Variants in TARBP1 observed in about 807,000 individuals in gnomAD.
The protein encoded by TARBP1 is tRNA (guanosine(18)-2'-O)-methyltransferase TARBP1.
In TARBP1, 144 loss-of-function variants were observed where a neutral mutation model predicts 178.6. That is an observed-to-expected ratio of 0.81 (90% confidence interval 0.70 to 0.93). The LOEUF (loss-of-function observed/expected upper bound fraction) is 0.93. Ranked by LOEUF, TARBP1 falls within the 40% of genes least tolerant of loss-of-function variation. The probability of loss-of-function intolerance (pLI) is 0.00; values close to 1 mark genes in which losing one functional copy is unlikely to be tolerated. For missense variants in TARBP1, 2,067 were observed against 2,011.7 expected (o/e 1.03, Z -0.53); for synonymous variants, 787 against 781.0 (o/e 1.01, Z -0.13).
Position 234,467,528 on chromosome 1 carries a change from G to A in TARBP1, c.1222C>T (p.Leu408Phe). 6.3e-7 allele frequency: 1 copy of A among 1,592,968 alleles called. No individual in the cohort carries two copies. Among genetic ancestry groups the A allele is most frequent in the Non-Finnish European group, 8.5e-7 (1 of 1,173,404 alleles). Residue 408 changes from leucine (L) to phenylalanine (F), a missense_variant, in exon 4 of 30, where the codon CTT (leucine) becomes TTT (phenylalanine). Coordinates refer to ENST00000040877, the MANE Select transcript of TARBP1 (RefSeq NM_005646.4). ...TCAGAAAATTCTGGTGAAAATGGAA[G>A]AATCTTTGTTTCATACAGCTCCAAA... ...HFLELYETKI[L>F]PFSPEFSEFI...
chr1:234,404,521 C>A (rs1001370786), intron 24 of TARBP1, among the ~76,000 whole-genome samples: 3 of 152,176 alleles, frequency 2.0e-5, no homozygotes, highest in Admixed American at 2.0e-4. Flanking sequence ...ATACACCATA[C>A]ACCAAGGAGA....
chr1:234,472,112 G>A (rs941607195), intron 2 of TARBP1, among the ~76,000 whole-genome samples: 2 of 152,236 alleles, frequency 1.3e-5, no homozygotes, highest in African/African-American at 4.8e-5. Flanking sequence ...CAAGGCGGGT[G>A]GATTACTTGA....
chr1:234,440,772 C>T (rs1665510309), intron 12 of TARBP1, among the ~76,000 whole-genome samples: 1 of 152,216 alleles, frequency 6.6e-6, no homozygotes, highest in Non-Finnish European at 1.5e-5. Flanking sequence ...AATTTTAAAA[C>T]TATCATTTAC....
chr1:234,437,743 C>T (rs1434331788), intron 12 of TARBP1, among the ~76,000 whole-genome samples: 1 of 152,208 alleles, frequency 6.6e-6, no homozygotes, highest in Non-Finnish European at 1.5e-5. Context: ...TCTGGTCCTC[C>T]TCCCAATTGT....
At position 234,398,523 on chromosome 1, in the gene TARBP1, C is replaced by A; in HGVS notation, c.4102G>T (p.Gly1368Cys). 6.2e-7 allele frequency: 1 copy of A among 1,605,064 alleles called. No homozygotes were observed. The highest frequency in any genetic ancestry group is 8.5e-7 in the Non-Finnish European group (1 of 1,174,278). The change falls in exon 26 of 30, where the codon GGC becomes TGC. Residue 1368 changes from glycine (G) to cysteine (C), a missense_variant. Physicochemically the swap from Gly to Cys is radical, Grantham distance 159. Coordinates refer to ENST00000040877, the MANE Select transcript of TARBP1 (RefSeq NM_005646.4). ...TIFYILPRLSGLIEDEWITID... is the reference protein window; with the variant it reads ...TIFYILPRLSCLIEDEWITID... Reference sequence around the variant, plus strand: ...GTGATCCATTCATCTTCAATAAGGCCTGAAAGGCGTGGAAGGATGTAAAAT... The same window carrying A: ...GTGATCCATTCATCTTCAATAAGGCATGAAAGGCGTGGAAGGATGTAAAAT...
intron 11 of TARBP1, 102 bp from the exon 12 acceptor site, chr1:234,447,077 T>C (rs1572347794): frequency 8.2e-7 from 1 of 1,221,794 alleles, no homozygotes. Context: ...TGGATCCAAT[T>C]AGACAAAGTT....
In TARBP1 at chr1:234,479,054, C is replaced by T. The variant is rs1284923899; in HGVS notation, c.50G>A (p.Arg17Gln). 9.7e-5 allele frequency: 149 copies of T among 1,539,424 alleles called. No homozygotes were observed. Among genetic ancestry groups the T allele is most frequent in the Non-Finnish European group, 1.2e-4 (137 of 1,156,148 alleles). The change falls in exon 1 of 30, where the codon CGG becomes CAG. Residue 17 changes from arginine (R) to glutamine (Q), a missense_variant. Arg to Gln is a conservative substitution (Grantham distance 43). Transcript: ENST00000040877. ...TTGGCACAGCGCCCCAAGCAGGGCC[C>T]GGGGGTCCCGGCTCTGCGAGAGCAG... ...EALLSQSRDP[R>Q]ALLGALCQGE...
chr1:234,427,426 T>A, intron 18 of TARBP1, 38 bp from the exon 19 acceptor site: 1 of 1,543,124 alleles, frequency 6.5e-7, no homozygotes, highest in African/African-American at 1.4e-5. Flanking sequence ...ACAACAGGTT[T>A]TAAATAGAAA....
intron 10 of TARBP1, among the ~76,000 whole-genome samples, chr1:234,450,205 TA>T (rs1309429250): frequency 7.2e-5 from 11 of 152,086 alleles, no homozygotes; most frequent in Admixed American, 7.2e-4. Flanking sequence ...TCCTTAAACA[TA>T]AAATAATTTA....
At chr1:234,413,439 A>T (rs1297151803) in intron 22 of TARBP1, among the ~76,000 whole-genome samples, 1 of 152,136 alleles carries the variant, frequency 6.6e-6, no homozygotes, top group Non-Finnish European at 1.5e-5. Flanking sequence ...GTGCCATTGC[A>T]CTCTAGCTTG....
At position 234,467,548 on chromosome 1, in the gene TARBP1, T is replaced by C. The variant is rs1668572967; in HGVS notation, c.1202A>G (p.Glu401Gly). The stretch of plus-strand genomic sequence containing the variant: ...TGGAAGAATCTTTGTTTCATACAGC[T>C]CCAAAAAATGGATAACACCTTCTTT... ...LSKEGVIHFL[E>G]LYETKILPFS... The change falls in exon 4 of 30, where the codon GAG becomes GGG. Residue 401 changes from glutamate to glycine, a missense_variant. Glu to Gly is a moderately conservative substitution (Grantham distance 98). Coordinates refer to ENST00000040877, the MANE Select transcript of TARBP1 (RefSeq NM_005646.4). The C allele has an allele frequency of 1.2e-6, 2 of 1,606,176 alleles. No individual in the cohort carries two copies. Among genetic ancestry groups the C allele is most frequent in the African/African-American group, 2.7e-5 (2 of 74,622 alleles).
At chr1:234,461,553 C>T (rs1667860620) in intron 6 of TARBP1, among the ~76,000 whole-genome samples, 1 of 152,078 alleles carries the variant, frequency 6.6e-6, no homozygotes, top group South Asian at 2.1e-4. Flanking sequence ...GTGATCTGCC[C>T]ACCTCAGCCT....
chr1:234,445,069 T>C (rs533069602), intron 12 of TARBP1, among the ~76,000 whole-genome samples: 2 of 152,274 alleles, frequency 1.3e-5, no homozygotes, highest in South Asian at 2.1e-4. Context: ...CTGCCCCAAA[T>C]TGCTTCCGTT....
Position 234,463,875 on chromosome 1 carries a change from A to G in TARBP1, c.1361T>C (p.Leu454Ser). 6.3e-7 allele frequency: 1 copy of G among 1,598,248 alleles called. No homozygotes were observed. The highest frequency in any genetic ancestry group is 8.5e-7 in the Non-Finnish European group (1 of 1,172,128). The change falls in exon 6 of 30, where the codon TTA becomes TCA. Residue 454 changes from leucine to serine, a missense_variant. Leu to Ser is a moderately radical substitution (Grantham distance 145, BLOSUM62 -2). Transcript: ENST00000040877. The stretch of plus-strand genomic sequence containing the variant: ...TGGAAGAAGAGAAATATAAGTGACT[A>G]AAAACTTCTGTAATTTCAGTCCCAA... ...SPLGLKLQKFLVTYISLLPEE... is the reference protein window; with the variant it reads ...SPLGLKLQKFSVTYISLLPEE...
At chr1:234,454,438 G>C (rs942032061) in intron 9 of TARBP1, among the ~76,000 whole-genome samples, 1 of 152,070 alleles carries the variant, frequency 6.6e-6, no homozygotes, top group Admixed American at 6.6e-5. Flanking sequence ...AGATTTGATA[G>C]GATTTGATTC....
rs1663922152 is a variant in TARBP1 at position 234,427,585 on chromosome 1, C to T, written c.3242G>A (p.Arg1081His). 8 of 1,598,980 alleles carry T rather than the reference C, an allele frequency of 5.0e-6. No individual in the cohort carries two copies. The East Asian group carries it at 6.7e-5, about 13-fold the overall frequency. ...TAATAGCATCTTTTACCTTTGATCA[C>T]GCCTAAACACAGTTCCAAATATACA... ...EACIFGTVFR[R>H]DQRLVQDVQT... The change falls in exon 18 of 30, where the codon CGT becomes CAT. Residue 1081 changes from arginine (R) to histidine (H), a missense_variant. Arg to His is a conservative substitution (Grantham distance 29). Coordinates refer to ENST00000040877, the MANE Select transcript of TARBP1 (RefSeq NM_005646.4).
chr1:234,435,809 G>A (rs1311643756), intron 13 of TARBP1, among the ~76,000 whole-genome samples: 1 of 152,154 alleles, frequency 6.6e-6, no homozygotes, highest in African/African-American at 2.4e-5. Flanking sequence ...AGCCAGCATC[G>A]CAAAGACCGA....
At chr1:234,420,990 T>C (rs1208093612) in intron 20 of TARBP1, among the ~76,000 whole-genome samples, 178 bp from the exon 21 acceptor site, 5 of 152,196 alleles carry the variant, frequency 3.3e-5, no homozygotes, top group African/African-American at 1.2e-4. Flanking sequence ...ATTTCAAACA[T>C]TGACATTTTG....
intron 20 of TARBP1, among the ~76,000 whole-genome samples, chr1:234,421,635 C>T (rs886105052): frequency 1.3e-5 from 2 of 152,196 alleles, no homozygotes; most frequent in Non-Finnish European, 2.9e-5. Flanking sequence ...ACGTGTCTCT[C>T]GACACAAGAA....
Sources: gnomAD v4.1 joint callset for allele counts (sites outside exome capture counted in the v4.1 genomes callset) on GRCh38, gnomAD v4.1.1 for gene constraint, MANE v1.5 for transcripts, NCBI Gene and HGNC (gene_info 2026-07-23, HGNC 2026-07-21) for gene names.